CTBP2: variants seen among roughly 807,000 people sequenced by gnomAD.
CTBP2 encodes the protein C-terminal binding protein 2.
CTBP2 carries 30 observed loss-of-function variants against 80.3 expected under a neutral mutation model. That is an observed-to-expected ratio of 0.37 (90% CI 0.28 to 0.51). The LOEUF (loss-of-function observed/expected upper bound fraction) is 0.51, where lower values mean the gene tolerates loss of function less well. Ranked by LOEUF, CTBP2 falls within the 20% of genes least tolerant of loss-of-function variation. The pLI is 0.93. For synonymous variants in CTBP2, 594 were observed against 587.4 expected, an observed-to-expected ratio of 1.01 and a Z score of -0.16; for missense variants, 1,212 against 1,375.3, an observed-to-expected ratio of 0.88 and a Z score of 1.88.
intron 2 of CTBP2, among the ~76,000 whole-genome samples, chr10:125,084,446 AC>A (rs1847667731): frequency 6.6e-6 from 1 of 152,044 alleles, no homozygotes; most frequent in Non-Finnish European, 1.5e-5. Context: ...CTCTGTGCCT[AC>A]CCCAGGAGGG....
intron 1 of CTBP2, among the ~76,000 whole-genome samples, chr10:125,156,310 ATAC>A (rs1860905041): frequency 6.6e-6 from 1 of 152,256 alleles, no homozygotes; most frequent in Non-Finnish European, 1.5e-5. Flanking sequence ...CTGCATGCAC[ATAC>A]ATTATGATGA....
intron 1 of CTBP2, among the ~76,000 whole-genome samples, chr10:125,024,735 C>A (rs1590146960): frequency 6.6e-6 from 1 of 152,172 alleles, no homozygotes; most frequent in African/African-American, 2.4e-5. Flanking sequence ...CATCGCCATG[C>A]AAATCAGTTG....
chr10:125,017,918 G>C (rs1956654822), intron 1 of CTBP2, among the ~76,000 whole-genome samples: 1 of 152,220 alleles, frequency 6.6e-6, no homozygotes, highest in African/African-American at 2.4e-5. Flanking sequence ...TGGGAAGCGA[G>C]CCTCAGAGCC....
Position 125,027,689 on chromosome 10 carries a change from C to A in CTBP2, c.71G>T (p.Gly24Val). The change falls in exon 1 of 9, where the codon GGC becomes GTC. Residue 24 changes from glycine to valine, a missense_variant. Coordinates refer to ENST00000309035, the MANE Select transcript of CTBP2 (RefSeq NM_022802.3). ...CAGGGACTCGGCGTTCTCCCAGGGG[C>A]CCTCGTACCACCCAGCAGCATCCCA... The A allele has an allele frequency of 6.2e-7, 1 of 1,613,808 alleles. No homozygotes were observed. The highest frequency in any genetic ancestry group is 8.5e-7 in the Non-Finnish European group (1 of 1,179,926).
intron 1 of CTBP2, among the ~76,000 whole-genome samples, chr10:125,129,835 C>G (rs1190561505): frequency 6.6e-6 from 1 of 152,182 alleles, no homozygotes; most frequent in Non-Finnish European, 1.5e-5. Flanking sequence ...CACGACAGAG[C>G]AGCAACCTCT....
At chr10:125,062,938 G>A (rs1844037702) in intron 2 of CTBP2, among the ~76,000 whole-genome samples, 1 of 152,228 alleles carries the variant, frequency 6.6e-6, no homozygotes, top group South Asian at 2.1e-4. Context: ...TTTTCCTAAT[G>A]GCCCCAAGAG....
At position 124,992,714 on chromosome 10, in the gene CTBP2, G is replaced by A. The variant is rs1300135468; in HGVS notation, c.2758C>T (p.Leu920Phe). 2 of 1,606,710 alleles carry A rather than the reference G, an allele frequency of 1.2e-6. No individual in the cohort carries two copies. Among genetic ancestry groups the A allele is most frequent in the Non-Finnish European group, 1.7e-6 (2 of 1,176,378 alleles). Residue 920 changes from leucine (L) to phenylalanine (F), a missense_variant, in exon 8 of 9, where the codon CTC becomes TTC. Leu to Phe is a conservative substitution (Grantham distance 22). Coordinates refer to ENST00000309035, the MANE Select transcript of CTBP2 (RefSeq NM_022802.3). ...TCTCACCTGTATGTGGCACCATTGA[G>A]CTCAGGATGAATTGCTTGCTGGTCT...
intron 2 of CTBP2, among the ~76,000 whole-genome samples, chr10:125,110,492 T>C (rs1036087476): frequency 3.9e-5 from 6 of 152,166 alleles, no homozygotes; most frequent in African/African-American, 1.4e-4. Flanking sequence ...TCATGGTATG[T>C]TCAAGACATC....
rs904576552 is a variant in CTBP2, at chr10:124,985,957, A to G, written c.*3561T>C. 3.3e-5 allele frequency: 5 copies of G among 152,204 alleles called. No individual in the cohort carries two copies. The highest frequency in any genetic ancestry group is 7.3e-5 in the Non-Finnish European group (5 of 68,052). The allele number at this position is 152,204 out of a possible 1,614,324, so 9.4% of individuals were successfully genotyped here. On this transcript the variant is annotated 3_prime_UTR_variant, in exon 9 of 9. Coordinates refer to ENST00000309035, the MANE Select transcript of CTBP2 (RefSeq NM_022802.3). ...GAAGGGCATGCCTTTGCTTAGGCAG[A>G]TTGGGAATACCAATTCACTACAGAA...
intron 1 of CTBP2, among the ~76,000 whole-genome samples, chr10:125,009,255 A>AC (rs777463708): frequency 4.4e-4 from 67 of 152,316 alleles, no homozygotes; most frequent in Non-Finnish European, 7.6e-4. Flanking sequence ...AGCATTCCAA[A>AC]CAGAGCCAAG....
intron 1 of CTBP2, among the ~76,000 whole-genome samples, chr10:125,131,516 G>A (rs550788773): frequency 9.2e-5 from 14 of 152,288 alleles, no homozygotes; most frequent in African/African-American, 2.2e-4. Flanking sequence ...CTGGTGAATG[G>A]GAGACGGCGC....
intron 8 of CTBP2, among the ~76,000 whole-genome samples, chr10:124,991,083 G>C (rs1208041378): frequency 1.3e-5 from 2 of 152,230 alleles, no homozygotes; most frequent in African/African-American, 4.8e-5. Context: ...TCCTCGGAAC[G>C]CCCAGGCTCG....
At chr10:125,005,201 G>A (rs1955074993) in intron 1 of CTBP2, among the ~76,000 whole-genome samples, 1 of 152,226 alleles carries the variant, frequency 6.6e-6, no homozygotes, top group Non-Finnish European at 1.5e-5. Context: ...TTGTCTCTTT[G>A]AGCACAAAGT....
upstream of CTBP2, among the ~76,000 whole-genome samples, chr10:125,030,367 A>G (rs1022623967): frequency 2.0e-5 from 3 of 152,174 alleles, no homozygotes; most frequent in Non-Finnish European, 4.4e-5. Flanking sequence ...GGCGATGTCC[A>G]CCCAAAGCCA....
intron 1 of CTBP2, among the ~76,000 whole-genome samples, chr10:125,152,778 A>T (rs1860224835): frequency 6.6e-6 from 1 of 152,140 alleles, no homozygotes. Flanking sequence ...CTCCTGAAAC[A>T]CTAGGAAATA....
intron 2 of CTBP2, among the ~76,000 whole-genome samples, chr10:125,068,352 T>C (rs1194580891): frequency 6.6e-6 from 1 of 152,078 alleles, no homozygotes; most frequent in East Asian, 1.9e-4. Flanking sequence ...AGACAGGGAG[T>C]TATATAAACC....
rs540002283 is a variant in CTBP2 at position 125,099,985 on chromosome 10, C to CT, written c.-102+11004dup. Among the ~76,000 whole-genome samples the CT allele has an allele frequency of 2.1e-4, 32 of 152,312 alleles. No individual in the cohort carries two copies. In the South Asian group the frequency reaches 4.1e-3, roughly 20 times the overall value. On this transcript the variant is annotated intron_variant, in intron 2 of 10. Transcript: ENST00000337195. ...GCCTTAAATTTGACACTGCCAAGTC[C>CT]TGGGGGGGCGGACACAGAAGGTCTC...
chr10:124,991,221 AGAG>A (rs1455679970), intron 8 of CTBP2, among the ~76,000 whole-genome samples: 2 of 152,202 alleles, frequency 1.3e-5, no homozygotes, highest in South Asian at 2.1e-4. Flanking sequence ...CCATCCAGGT[AGAG>A]GAGGAGGCAT....
At position 125,026,103 on chromosome 10, in the gene CTBP2, T is replaced by C; in HGVS notation, c.1657A>G (p.Thr553Ala). ...TTACTTGGTTCTGGTGCAAGCATGG[T>C]GGACACGATGATGGGTGCCCCTGTG... is the stretch of plus-strand genomic sequence containing the variant. The change falls in exon 1 of 9, where the codon ACC (threonine) becomes GCC (alanine). Residue 553 changes from threonine (T) to alanine (A), a missense_variant. By Grantham distance (58) the Thr-to-Ala change is moderately conservative. Coordinates refer to ENST00000309035, the MANE Select transcript of CTBP2 (RefSeq NM_022802.3). 6.4e-7 allele frequency: 1 copy of C among 1,574,134 alleles called. No individual in the cohort carries two copies. Among genetic ancestry groups the C allele is most frequent in the Non-Finnish European group, 8.7e-7 (1 of 1,155,674 alleles).
Sources: allele counts gnomAD v4.1 joint callset (sites outside exome capture counted in the v4.1 genomes callset), GRCh38; gene constraint gnomAD v4.1.1; transcripts MANE v1.5; gene names NCBI Gene and HGNC (gene_info 2026-07-23, HGNC 2026-07-21).